The following NSD1 variants were observed in gnomAD, a reference collection of about 807,000 sequenced individuals.
NSD1 encodes histone-lysine N-methyltransferase, H3 lysine-36 specific.
A neutral mutation model predicts 242.7 loss-of-function variants in NSD1; 26 were observed. That is an observed-to-expected ratio of 0.11 (90% confidence interval 0.08 to 0.15). The LOEUF is 0.15. Ranked by LOEUF, NSD1 falls within the 10% of genes least tolerant of loss-of-function variation. NSD1 has a pLI of 1.00. For missense variants in NSD1, 2,495 were observed against 3,272.8 expected (o/e 0.76, Z 5.80); for synonymous variants, 1,106 against 1,178.1 (o/e 0.94, Z 1.25).
At chr5:177,257,228 CTTTTTTTTTTT>C in intron 13 of NSD1, 77 bp downstream of exon 13, 13 of 738,914 alleles carry the variant, frequency 1.8e-5, no homozygotes, top group Middle Eastern at 3.8e-4. Context: ...TTTTTTCTTT[CTTTTTTTTTTT>C]TTTTTTTTGG....
chr5:177,229,850 T>G, intron 5 of NSD1: 1 of 270,266 alleles, frequency 3.7e-6, no homozygotes, highest in South Asian at 3.0e-5. Flanking sequence ...TTCAAGTGAT[T>G]CTCCTGTCTC....
At chr5:177,288,783 C>T in intron 20 of NSD1, 36 bp from the exon 21 acceptor site, 11 of 1,388,190 alleles carry the variant, frequency 7.9e-6, no homozygotes, top group Non-Finnish European at 1.1e-5. Flanking sequence ...GTAATTAAAA[C>T]CATAGATATT....
intron 20 of NSD1, among the ~76,000 whole-genome samples, chr5:177,287,627 C>T (rs2127268537): frequency 6.6e-6 from 1 of 152,168 alleles, no homozygotes; most frequent in East Asian, 1.9e-4. Context: ...CAGAGTGAGA[C>T]TCCGTCTCAA....
chr5:177,278,938 T>C (rs1758616592), intron 17 of NSD1, among the ~76,000 whole-genome samples: 1 of 152,236 alleles, frequency 6.6e-6, no homozygotes, highest in Non-Finnish European at 1.5e-5. Flanking sequence ...ATTAATGGCT[T>C]TGGTGTCACA....
At chr5:177,249,312 T>G (rs1189425620) in intron 11 of NSD1, among the ~76,000 whole-genome samples, 1 of 152,068 alleles carries the variant, frequency 6.6e-6, no homozygotes, top group Non-Finnish European at 1.5e-5. Context: ...CTGTCTCTAT[T>G]TTTAAAAAAT....
At chr5:177,138,109 AC>A (rs1268281581) in intron 2 of NSD1, among the ~76,000 whole-genome samples, 21 of 152,078 alleles carry the variant, frequency 1.4e-4, no homozygotes, top group Admixed American at 9.2e-4. Flanking sequence ...AAACAAACAA[AC>A]AAACAAAAAA....
intron 2 of NSD1, among the ~76,000 whole-genome samples, chr5:177,153,044 G>A (rs1438721265): frequency 2.0e-5 from 3 of 151,920 alleles, no homozygotes; most frequent in South Asian, 2.1e-4. Flanking sequence ...GGTATTGTAC[G>A]TAAAGTGCTT....
intron 12 of NSD1, among the ~76,000 whole-genome samples, chr5:177,253,316 A>T (rs1246737954): frequency 6.6e-6 from 1 of 152,220 alleles, no homozygotes; most frequent in Non-Finnish European, 1.5e-5. Flanking sequence ...TTAAGGTAAA[A>T]TTGAAGTGCA....
In NSD1 at chr5:177,257,054, C is replaced by T. The variant is rs1217176589; in HGVS notation, c.4869C>T (p.Tyr1623=). 6.2e-7 allele frequency: 1 copy of T among 1,613,856 alleles called. No homozygotes were observed. Among genetic ancestry groups the T allele is most frequent in the South Asian group, 1.1e-5 (1 of 91,074 alleles). Residue 1623 remains tyrosine, a synonymous_variant, in exon 13 of 23, where the codon TAC becomes TAT. Transcript: ENST00000439151. The part of the protein sequence containing the change: ...KFYHEECVQK[Y]PPTVMQNKGF... ...ACCATGAAGAGTGTGTCCAGAAGTA[C>T]CCACCCACTGTTATGCAGAACAAGG... is the stretch of plus-strand genomic sequence containing the variant.
intron 20 of NSD1, 137 bp downstream of exon 20, chr5:177,284,065 G>T: frequency 2.7e-6 from 3 of 1,118,422 alleles, no homozygotes; most frequent in Non-Finnish European, 2.7e-6. Context: ...TTACATTTTT[G>T]TGCAACCATC....
chr5:177,229,775 G>C (rs764855169), intron 5 of NSD1: 19 of 405,120 alleles, frequency 4.7e-5, no homozygotes, highest in South Asian at 2.9e-4. Context: ...GTGGAGTCTT[G>C]CTCTGTCACC....
chr5:177,224,566 A>C (rs1337004443), intron 5 of NSD1, among the ~76,000 whole-genome samples: 2 of 151,608 alleles, frequency 1.3e-5, no homozygotes, highest in Non-Finnish European at 2.9e-5. Flanking sequence ...ATCTCTGTTA[A>C]TTAATAGAAT....
At chr5:177,160,750 A>G (rs1215946579) in intron 2 of NSD1, among the ~76,000 whole-genome samples, 1 of 152,050 alleles carries the variant, frequency 6.6e-6, no homozygotes, top group Non-Finnish European at 1.5e-5. Flanking sequence ...GTTGCCTACT[A>G]TGTCCCAGGC....
chr5:177,295,906 G>A lies in NSD1; in HGVS notation c.*447G>A. ...TTTCAAATCAGTGGCGATTTCCTGAGCATTCACGTGTTCTAGGCCGGGTGC... is the reference window on the plus strand; with the variant it reads ...TTTCAAATCAGTGGCGATTTCCTGAACATTCACGTGTTCTAGGCCGGGTGC... On this transcript the variant is annotated 3_prime_UTR_variant, in exon 23 of 23. Transcript: ENST00000439151. This position sits in a 1 kb window ranked among gnomAD's most constrained non-coding sequence, Gnocchi z 4.3. 1 of 365,838 alleles carries A rather than the reference G, an allele frequency of 2.7e-6. No homozygotes were observed. Among genetic ancestry groups the A allele is most frequent in the Non-Finnish European group, 5.1e-6 (1 of 196,168 alleles). 22.7% of individuals were successfully genotyped at this position (365,838 alleles called of 1,614,324 possible). A position where few individuals can be genotyped will look rare whatever the true frequency, so the allele number is the denominator to read the frequency against.
chr5:177,228,513 G>A (rs1345370981), intron 5 of NSD1, among the ~76,000 whole-genome samples: 4 of 151,762 alleles, frequency 2.6e-5, no homozygotes, highest in Admixed American at 6.6e-5. Context: ...CACCAGCCCC[G>A]GCCTAGGCTG....
rs1403081774 is a variant in NSD1, at chr5:177,211,449, C to T, written c.3050C>T (p.Thr1017Ile). 1.2e-6 allele frequency: 2 copies of T among 1,614,034 alleles called. No individual in the cohort carries two copies. Among genetic ancestry groups the T allele is most frequent in the African/African-American group, 1.3e-5 (1 of 74,906 alleles). The change falls in exon 5 of 23, where the codon ACT (threonine) becomes ATT (isoleucine). Residue 1017 changes from threonine to isoleucine, a missense_variant. Thr to Ile is a moderately conservative substitution (Grantham distance 89). Transcript: ENST00000439151. ...ASGKSRSDCV[T>I]RRNCGRSKPS... Reference sequence around the variant, plus strand: ...GGTAAAAGTCGTTCAGACTGTGTTACTAGGCGCAACTGTGGACGATCAAAG... The same window carrying T: ...GGTAAAAGTCGTTCAGACTGTGTTATTAGGCGCAACTGTGGACGATCAAAG...
At chr5:177,175,161 A>G (rs1760090890) in intron 2 of NSD1, among the ~76,000 whole-genome samples, 1 of 152,086 alleles carries the variant, frequency 6.6e-6, no homozygotes, top group African/African-American at 2.4e-5. Context: ...GTGAGCCACT[A>G]CACCCGGCCT....
At chr5:177,166,846 A>G (rs1047065420) in intron 2 of NSD1, among the ~76,000 whole-genome samples, 1 of 151,224 alleles carries the variant, frequency 6.6e-6, no homozygotes, top group Non-Finnish European at 1.5e-5. Flanking sequence ...GGTTCAAGCA[A>G]TTCTCTTGCC....
chr5:177,240,408 A>G (rs936653034), intron 8 of NSD1, among the ~76,000 whole-genome samples: 17 of 151,686 alleles, frequency 1.1e-4, no homozygotes, highest in Admixed American at 1.3e-4. Flanking sequence ...TTTGTGTTTT[A>G]TTCAAGAAAT....
Sources: allele counts gnomAD v4.1 joint callset (sites outside exome capture counted in the v4.1 genomes callset), GRCh38; gene constraint gnomAD v4.1.1; non-coding constraint Gnocchi (gnomAD v3.1); transcripts MANE v1.5; gene names NCBI Gene and HGNC (gene_info 2026-07-23, HGNC 2026-07-21).